SCNN1D: variants seen among roughly 807,000 people sequenced by gnomAD.
The protein encoded by SCNN1D is epithelial sodium channel subunit delta.
Under a neutral mutation model 87.8 loss-of-function variants are expected in SCNN1D, and 104 were observed. That is an observed-to-expected ratio of 1.18 (90% CI 1.01 to 1.39). SCNN1D has a LOEUF of 1.39. SCNN1D is among the 40% of genes most tolerant of loss of function. SCNN1D has a pLI of 0.00. For synonymous variants in SCNN1D, 628 were observed against 481.2 expected, an observed-to-expected ratio of 1.31 and a Z score of -3.99; for missense variants, 1,324 against 1,093.9, an observed-to-expected ratio of 1.21 and a Z score of -2.97.
At chr1:1,281,903 CAG>C (rs900187997) in intron 3 of SCNN1D, 23 of 564,740 alleles carry the variant, frequency 4.1e-5, no homozygotes, top group South Asian at 3.1e-4. Context: ...CCCGGGGACA[CAG>C]GGAGGCACAG....
rs1157815201 is a variant in SCNN1D, at chr1:1,286,693, C to G, written c.912-75C>G. 3 of 1,423,592 alleles carry G rather than the reference C, an allele frequency of 2.1e-6. No individual in the cohort carries two copies. In the Admixed American group the frequency reaches 5.4e-5, roughly 25 times the overall value. 88.2% of individuals were successfully genotyped at this position (1,423,592 alleles called of 1,614,324 possible). A position where few individuals can be genotyped will look rare whatever the true frequency, so the allele number is the denominator to read the frequency against. ...AGTAGGGGAGGCACTGCTGTCCCGA[C>G]AGCACACACTGGGATGCTGGGGCCA... On this transcript the variant is annotated intron_variant, in intron 7 of 17. Coordinates refer to ENST00000379116, the MANE Select transcript of SCNN1D (RefSeq NM_001130413.4).
Position 1,290,347 on chromosome 1 carries a change from CGGG to C in SCNN1D, c.1742_1744del (p.Gly581del). Reference sequence around the variant, plus strand: ...GGCTACTACCTCCACCCTCTGCCGGCGGGGGCTGAGTACTGCAGCTCTGCCCGG... The same window carrying C: ...GGCTACTACCTCCACCCTCTGCCGGCGGCTGAGTACTGCAGCTCTGCCCGG... On this transcript the variant is annotated inframe_deletion, in exon 13 of 18. Coordinates refer to ENST00000379116, the MANE Select transcript of SCNN1D (RefSeq NM_001130413.4). 6.3e-7 allele frequency: 1 copy of C among 1,596,162 alleles called. No homozygotes were observed.
chr1:1,282,331 C>T lies in SCNN1D; in HGVS notation c.351+16C>T, dbSNP rs886816951. The T allele has an allele frequency of 1.3e-6, 2 of 1,549,750 alleles. No individual in the cohort carries two copies. Among genetic ancestry groups the T allele is most frequent in the Non-Finnish European group, 1.7e-6 (2 of 1,146,736 alleles). ...GAGCCGGCAGGCAGGTGACCTCACCCTCCTCAGAGCCATGGCTCTGCTGCT... is the reference window on the plus strand; with the variant it reads ...GAGCCGGCAGGCAGGTGACCTCACCTTCCTCAGAGCCATGGCTCTGCTGCT... On this transcript the variant is annotated intron_variant, in intron 4 of 17. Coordinates refer to ENST00000379116, the MANE Select transcript of SCNN1D (RefSeq NM_001130413.4).
chr1:1,287,362 G>A (rs2100329503), intron 9 of SCNN1D, 63 bp downstream of exon 9: 1 of 1,501,876 alleles, frequency 6.7e-7, no homozygotes, highest in Non-Finnish European at 8.9e-7. Context: ...CCGCACCCCT[G>A]GGGTCCCTCT....
intron 12 of SCNN1D, among the ~76,000 whole-genome samples, chr1:1,288,587 TCCCGTGTCTCTGCTCCGTCC>T (rs1640687376): frequency 1.2e-4 from 3 of 25,378 alleles, no homozygotes; most frequent in Non-Finnish European, 7.4e-5. Flanking sequence ...CTCTGCTCCG[TCCCGTGTCTCTGCTCCGTCC>T]CCCGTGTCTC....
intron 15 of SCNN1D, 46 bp from the exon 16 acceptor site, chr1:1,290,849 C>T (rs773705202): frequency 1.6e-5 from 25 of 1,601,822 alleles, no homozygotes; most frequent in South Asian, 2.2e-5. Context: ...CCAGGATGGC[C>T]GGGGGCATGG....
chr1:1,282,337 A>T (rs1279664208), intron 4 of SCNN1D, 22 bp downstream of exon 4: 6 of 1,549,620 alleles, frequency 3.9e-6, no homozygotes, highest in Non-Finnish European at 4.4e-6. Context: ...CACCCTCCTC[A>T]GAGCCATGGC....
chr1:1,286,148 G>T lies in SCNN1D; in HGVS notation c.781G>T (p.Val261Phe). ...GGGGCTGCTGTCCCTGGGAGCCCTG[G>T]TCGCGCTCTGCTGGCAGCTGGGGCT... Reference protein sequence around the residue: ...SWGLLSLGALVALCWQLGLLF... With the variant: ...SWGLLSLGALFALCWQLGLLF... Residue 261 changes from valine to phenylalanine, a missense_variant, in exon 7 of 18, where the codon GTC becomes TTC. By Grantham distance (50) the Val-to-Phe change is conservative. Coordinates refer to ENST00000379116, the MANE Select transcript of SCNN1D (RefSeq NM_001130413.4). The T allele has an allele frequency of 6.2e-7, 1 of 1,609,202 alleles. No individual in the cohort carries two copies.
intron 6 of SCNN1D, 123 bp downstream of exon 6, chr1:1,285,787 C>G (rs1640575127): frequency 8.4e-7 from 1 of 1,186,806 alleles, no homozygotes; most frequent in African/African-American, 1.6e-5. Flanking sequence ...GGCGCAGTGT[C>G]AGAGCACCCT....
intron 7 of SCNN1D, 135 bp downstream of exon 7, chr1:1,286,413 C>T (rs1157226639): frequency 2.7e-6 from 2 of 752,962 alleles, no homozygotes; most frequent in East Asian, 5.4e-5. Flanking sequence ...CTCCTGGTCA[C>T]TGTGACCTCC....
rs148054598 is a variant in SCNN1D, at chr1:1,291,159, C to T, written c.2052+19C>T. 0.018 allele frequency: 28,199 copies of T among 1,609,102 alleles called. 322 individuals are homozygous for T. The highest frequency in any genetic ancestry group is 0.021 in the Non-Finnish European group (24,161 of 1,178,144). On this transcript the variant is annotated intron_variant, in intron 17 of 17. Coordinates refer to ENST00000379116, the MANE Select transcript of SCNN1D (RefSeq NM_001130413.4). ...GTACTCGGTGAGCCTTGGCCCCCTG[C>T]CTGGGCTAGAGCGGGGGCAGCGACA... is the stretch of plus-strand genomic sequence containing the variant.
At chr1:1,281,656 G>T (rs548255847) in intron 3 of SCNN1D, 46 bp downstream of exon 3, 3 of 1,493,704 alleles carry the variant, frequency 2.0e-6, no homozygotes, top group Non-Finnish European at 2.7e-6. Flanking sequence ...GAGGAGGGGA[G>T]GGGGGTGGAG....
intron 12 of SCNN1D, 71 bp from the exon 13 acceptor site, chr1:1,290,200 T>TCCCGTGTCTCTGCTCCGTCC: frequency 7.5e-6 from 8 of 1,073,622 alleles, no homozygotes; most frequent in South Asian, 3.1e-5. Flanking sequence ...CCCTGCTCCG[T>TCCCGTGTCTCTGCTCCGTCC]CCCGTGTCTC....
At chr1:1,282,558 C>CCA (rs35647244) in intron 4 of SCNN1D, among the ~76,000 whole-genome samples, 46,884 of 151,632 alleles carry the variant, frequency 0.31, 11,008 homozygotes, top group East Asian at 0.7. Flanking sequence ...CACCTGCCTT[C>CCA]CACACAACCG....
At chr1:1,280,900 G>A (rs553966383) in intron 1 of SCNN1D, 13 of 579,192 alleles carry the variant, frequency 2.2e-5, no homozygotes, top group South Asian at 8.8e-5. Context: ...GCCAGCAGCC[G>A]GGGGCACCTT....
At chr1:1,280,974 G>C (rs1023975581) in intron 1 of SCNN1D, 3 of 590,562 alleles carry the variant, frequency 5.1e-6, no homozygotes, top group Non-Finnish European at 9.1e-6. Flanking sequence ...GCCCGGGGCC[G>C]AGGGGGCTCT....
chr1:1,290,057 C>T (rs533342738), intron 12 of SCNN1D, among the ~76,000 whole-genome samples: 26 of 118,636 alleles, frequency 2.2e-4, no homozygotes, highest in South Asian at 3.2e-4. Context: ...TGCTCCGTCC[C>T]GTGTCTCTGC....
chr1:1,284,261 G>T (rs1177071830), intron 5 of SCNN1D, among the ~76,000 whole-genome samples, 171 bp downstream of exon 5: 1 of 97,222 alleles, frequency 1.0e-5, no homozygotes, highest in East Asian at 3.9e-4. Flanking sequence ...CAAGGTGGTG[G>T]TTGGGGTTGG....
rs1640779372 is a variant in SCNN1D, at chr1:1,290,688, G to T, written c.1911G>T (p.Lys637Asn). 1 of 1,612,654 alleles carries T rather than the reference G, an allele frequency of 6.2e-7. No homozygotes were observed. Among genetic ancestry groups the T allele is most frequent in the Non-Finnish European group, 8.5e-7 (1 of 1,179,934 alleles). Reference sequence around the variant, plus strand: ...GGACCTCCAGGTGGCCTTCCGCCAAGTCAGCTGTGAGTCCCCAAAGTGGTG... The same window carrying T: ...GGACCTCCAGGTGGCCTTCCGCCAATTCAGCTGTGAGTCCCCAAAGTGGTG... Reference protein sequence around the residue: ...STGTSRWPSAKSAGWTLATLG... With the variant: ...STGTSRWPSANSAGWTLATLG... Residue 637 changes from lysine (K) to asparagine (N), a missense_variant, in exon 15 of 18, where the codon AAG (lysine) becomes AAT (asparagine). Coordinates refer to ENST00000379116, the MANE Select transcript of SCNN1D (RefSeq NM_001130413.4).
Sources: gnomAD v4.1 joint callset for allele counts (sites outside exome capture counted in the v4.1 genomes callset) on GRCh38, gnomAD v4.1.1 for gene constraint, MANE v1.5 for transcripts, NCBI Gene and HGNC (gene_info 2026-07-23, HGNC 2026-07-21) for gene names.